The following GRM3 variants were observed in gnomAD, a reference collection of about 807,000 sequenced individuals.
The protein encoded by GRM3 is glutamate metabotropic receptor 3, also known as metabotropic glutamate receptor 3.
GRM3 carries 26 observed loss-of-function variants against 70.5 expected under a neutral mutation model. The ratio of observed to expected loss-of-function variants is 0.37; its 90% CI spans 0.27 to 0.51. The LOEUF (loss-of-function observed/expected upper bound fraction) is 0.51, where lower values mean the gene tolerates loss of function less well. GRM3 is among the 20% of genes least tolerant of loss of function. The pLI is 0.93. For synonymous variants in GRM3, 443 were observed against 434.9 expected (o/e 1.02, Z -0.23); for missense variants, 859 against 1,123.8 (o/e 0.76, Z 3.37).
intron 3 of GRM3, among the ~76,000 whole-genome samples, chr7:86,810,492 T>G (rs1225720641): frequency 8.6e-5 from 13 of 152,038 alleles, no homozygotes; most frequent in Non-Finnish European, 1.3e-4. Context: ...AACAAGGTAA[T>G]CTTATGTGGT....
chr7:86,844,100 CAG>C (rs1182667798), intron 4 of GRM3, among the ~76,000 whole-genome samples: 1 of 152,154 alleles, frequency 6.6e-6, no homozygotes, highest in Non-Finnish European at 1.5e-5. Context: ...CTAGAGTAGG[CAG>C]AGTCTTGGGA....
At chr7:86,684,039 A>G (rs536683451) in intron 1 of GRM3, among the ~76,000 whole-genome samples, 4 of 151,790 alleles carry the variant, frequency 2.6e-5, no homozygotes, top group Non-Finnish European at 5.9e-5. Flanking sequence ...TATTAGATTT[A>G]TATTTGCTGG....
intron 1 of GRM3, among the ~76,000 whole-genome samples, chr7:86,691,154 T>G (rs1794688098): frequency 6.6e-6 from 1 of 152,166 alleles, no homozygotes; most frequent in Non-Finnish European, 1.5e-5. Context: ...GCAAGTCTTA[T>G]CCTTACCTCC....
intron 2 of GRM3, among the ~76,000 whole-genome samples, chr7:86,767,545 ATATATAT>A (rs1796636392): frequency 7.5e-6 from 1 of 132,788 alleles, no homozygotes; most frequent in Non-Finnish European, 1.6e-5. Flanking sequence ...ATATATATAT[ATATATAT>A]ATATATAAAT....
chr7:86,662,193 C>T lies in GRM3; in HGVS notation c.-141+17321C>T, dbSNP rs568120968. On this transcript the variant is annotated intron_variant, in intron 1 of 5. Transcript: ENST00000361669. Reference sequence around the variant, plus strand: ...ATTTTTTTAAGTTCAAAATCACATGCTTTGAAAACACCTCATTAACAGAAC... The same window carrying T: ...ATTTTTTTAAGTTCAAAATCACATGTTTTGAAAACACCTCATTAACAGAAC... Among the ~76,000 whole-genome samples, 226 of 151,934 alleles carry T rather than the reference C, an allele frequency of 1.5e-3. 1 individual carries two copies. The highest frequency in any genetic ancestry group is 0.012 in the South Asian group (58 of 4,820).
At chr7:86,727,839 A>G (rs1252996393) in intron 1 of GRM3, among the ~76,000 whole-genome samples, 1 of 152,086 alleles carries the variant, frequency 6.6e-6, no homozygotes, top group Non-Finnish European at 1.5e-5. Flanking sequence ...CAAACTTGTA[A>G]TGGAACACAG....
chr7:86,837,000 AAG>A (rs1485510574), intron 3 of GRM3, among the ~76,000 whole-genome samples: 1 of 152,166 alleles, frequency 6.6e-6, no homozygotes. Flanking sequence ...TACAGACACA[AAG>A]AGATATATGT....
At chr7:86,709,108 C>T (rs957010190) in intron 1 of GRM3, among the ~76,000 whole-genome samples, 6 of 151,956 alleles carry the variant, frequency 3.9e-5, no homozygotes, top group East Asian at 1.9e-4. Context: ...TCCCTATGTG[C>T]CCTTGTTTGA....
chr7:86,646,019 G>GA lies in GRM3; in HGVS notation c.-141+1148dup, dbSNP rs1562811352. 4.9e-5 allele frequency among the ~76,000 whole-genome samples: 2 copies of GA among 40,952 alleles called. 1 individual carries two copies. The highest frequency in any genetic ancestry group is 2.0e-4 in the African/African-American group (2 of 9,916). 26.9% of individuals were successfully genotyped at this position (40,952 alleles called of 152,430 possible). A position where few individuals can be genotyped will look rare whatever the true frequency, so the allele number is the denominator to read the frequency against. On this transcript the variant is annotated intron_variant, in intron 1 of 5. Transcript: ENST00000361669. ...GGGGTGGGGGGGTGGGGGGGGGTGG[G>GA]AGGGAGTTTAGGGGGTGGAGTCTGC...
chr7:86,764,750 A>T (rs1796559519), intron 1 of GRM3, among the ~76,000 whole-genome samples: 1 of 152,120 alleles, frequency 6.6e-6, no homozygotes. Flanking sequence ...CCCAATCTGC[A>T]ATAAGTACAC....
intron 3 of GRM3, among the ~76,000 whole-genome samples, chr7:86,804,631 G>A (rs934115420): frequency 2.6e-5 from 4 of 152,050 alleles, no homozygotes; most frequent in East Asian, 3.9e-4. Context: ...GGCTGGTCTC[G>A]AACTCCTGAT....
intron 1 of GRM3, among the ~76,000 whole-genome samples, chr7:86,707,430 G>A (rs1795085813): frequency 5.9e-5 from 9 of 151,984 alleles, no homozygotes; most frequent in Admixed American, 5.9e-4. Flanking sequence ...CAGAGAGTGT[G>A]GACTGTGGTT....
At chr7:86,727,015 G>A (rs1208716243) in intron 1 of GRM3, among the ~76,000 whole-genome samples, 2 of 152,056 alleles carry the variant, frequency 1.3e-5, no homozygotes, top group African/African-American at 4.8e-5. Flanking sequence ...ACCCAGTCAG[G>A]GATAGAAACT....
chr7:86,717,867 A>G (rs1312746150), intron 1 of GRM3, among the ~76,000 whole-genome samples: 1 of 151,956 alleles, frequency 6.6e-6, no homozygotes, highest in African/African-American at 2.4e-5. Flanking sequence ...GGAAGAAAAC[A>G]TGAAAAAGTC....
At chr7:86,675,946 T>TA (rs1794294518) in intron 1 of GRM3, among the ~76,000 whole-genome samples, 1 of 151,674 alleles carries the variant, frequency 6.6e-6, no homozygotes, top group Admixed American at 6.6e-5. Context: ...ATTCTTTCAA[T>TA]AATAAGAAAG....
rs2116542980 is a variant in GRM3 at position 86,786,493 on chromosome 7, C to T, written c.701C>T (p.Ala234Val). 1 of 1,614,236 alleles carries T rather than the reference C, an allele frequency of 6.2e-7. No individual in the cohort carries two copies. The highest frequency in any genetic ancestry group is 2.2e-5 in the East Asian group (1 of 44,890). Residue 234 changes from alanine to valine, a missense_variant, in exon 3 of 6, where the codon GCC becomes GTC. Ala to Val is a moderately conservative substitution (Grantham distance 64, BLOSUM62 0). Transcript: ENST00000361669. The surrounding 1 kb of genome is among the most constrained non-coding windows in gnomAD (Gnocchi z 6.0). ...GGGATCGAGGCCTTCGAGCAGGAAG[C>T]CCGCCTGCGCAACATCTGCATCGCT... ...ETGIEAFEQE[A>V]RLRNICIATA...
rs536413129 is a variant in GRM3 at position 86,850,851 on chromosome 7, T to G, written c.2566+307T>G. Among the ~76,000 whole-genome samples, 25 of 152,278 alleles carry G rather than the reference T, an allele frequency of 1.6e-4. No homozygotes were observed. The South Asian group carries it at 5.0e-3, about 30-fold the overall frequency. ...GATAACCTGGTCTCTCGTCCTGTTC[T>G]GCACTCAATTTAATAGATAACTTCA... On this transcript the variant is annotated intron_variant, in intron 5 of 5. Coordinates refer to ENST00000361669, the MANE Select transcript of GRM3 (RefSeq NM_000840.3).
At chr7:86,684,978 G>A (rs992245225) in intron 1 of GRM3, among the ~76,000 whole-genome samples, 1 of 152,128 alleles carries the variant, frequency 6.6e-6, no homozygotes, top group South Asian at 2.1e-4. Context: ...TGAGAAAAAG[G>A]AAGCATGCTA....
chr7:86,769,072 T>C (rs1796676062), intron 2 of GRM3, among the ~76,000 whole-genome samples: 1 of 152,128 alleles, frequency 6.6e-6, no homozygotes, highest in African/African-American at 2.4e-5. Flanking sequence ...TCTTTTACAC[T>C]AACGAGGGAA....
Sources: gnomAD v4.1 joint callset for allele counts (sites outside exome capture counted in the v4.1 genomes callset) on GRCh38, gnomAD v4.1.1 for gene constraint, Gnocchi (gnomAD v3.1) non-coding constraint, MANE v1.5 for transcripts, NCBI Gene and HGNC (gene_info 2026-07-23, HGNC 2026-07-21) for gene names.